The following SNX29 variants were observed in gnomAD, a reference collection of about 807,000 sequenced individuals.
SNX29 encodes the protein sorting nexin-29.
SNX29 carries 78 observed loss-of-function variants against 102.1 expected under a neutral mutation model. That is an observed-to-expected ratio of 0.76 (90% CI 0.64 to 0.92). The LOEUF (loss-of-function observed/expected upper bound fraction) is 0.92, where lower values mean the gene tolerates loss of function less well. Ranked by LOEUF, SNX29 falls within the 40% of genes least tolerant of loss-of-function variation. The pLI is 0.00. For missense variants in SNX29, 1,280 were observed against 1,061.7 expected, an observed-to-expected ratio of 1.21 and a Z score of -2.86; for synonymous variants, 580 against 414.5, an observed-to-expected ratio of 1.40 and a Z score of -4.85.
chr16:12,526,667 C>G (rs1333946017), intron 20 of SNX29: 1 of 511,060 alleles, frequency 2.0e-6, no homozygotes, highest in African/African-American at 1.9e-5. Flanking sequence ...GCGGAGTCAT[C>G]ACGCATCGAC....
intron 18 of SNX29, among the ~76,000 whole-genome samples, chr16:12,449,797 G>A (rs1018952416): frequency 6.6e-6 from 1 of 152,134 alleles, no homozygotes; most frequent in Non-Finnish European, 1.5e-5. Context: ...TCCCATTGCT[G>A]AAATCCCTGT....
At chr16:12,165,805 C>T (rs1019879749) in intron 13 of SNX29, among the ~76,000 whole-genome samples, 3 of 152,240 alleles carry the variant, frequency 2.0e-5, no homozygotes, top group African/African-American at 4.8e-5. Flanking sequence ...CTCAACTGAT[C>T]CACCTGCCTC....
intron 16 of SNX29, among the ~76,000 whole-genome samples, chr16:12,372,039 TACA>T (rs1444125941): frequency 3.9e-5 from 6 of 152,202 alleles, no homozygotes; most frequent in Admixed American, 3.9e-4. Flanking sequence ...CTATCTAGAG[TACA>T]AAAGACAAGT....
At chr16:12,365,358 G>GTGTGTGTGTGTGTGTGTGTGTGTGTA (rs1485263456) in intron 16 of SNX29, among the ~76,000 whole-genome samples, 6 of 150,358 alleles carry the variant, frequency 4.0e-5, no homozygotes, top group Admixed American at 6.6e-5. Flanking sequence ...GTGTGTGTGT[G>GTGTGTGTGTGTGTGTGTGTGTGTGTA]TGTGTGTTTA....
At chr16:12,397,809 G>A (rs980033132) in intron 16 of SNX29, among the ~76,000 whole-genome samples, 4 of 152,152 alleles carry the variant, frequency 2.6e-5, no homozygotes, top group Non-Finnish European at 4.4e-5. Flanking sequence ...TGGGGGTCAC[G>A]TGCACCTTTG....
chr16:12,188,613 A>G (rs1012964535), intron 13 of SNX29, among the ~76,000 whole-genome samples: 2 of 152,178 alleles, frequency 1.3e-5, no homozygotes, highest in African/African-American at 4.8e-5. Flanking sequence ...GGCTCTGGAT[A>G]TGCAATACAG....
rs2052780536 is a variant in SNX29, at chr16:12,096,675, CTT to C, written c.1402+17762_1402+17763del. On this transcript the variant is annotated intron_variant, in intron 11 of 20. Transcript: ENST00000566228. This position sits in a 1 kb window ranked among gnomAD's most constrained non-coding sequence, Gnocchi z 4.2. Reference sequence around the variant, plus strand: ...TGGGGTCATGTGGGAGTGATGTACTCTTTGTTATCTGTGGCACTGAACAACCG... The same window carrying C: ...TGGGGTCATGTGGGAGTGATGTACTCTGTTATCTGTGGCACTGAACAACCG... 6.6e-6 allele frequency among the ~76,000 whole-genome samples: 1 copy of C among 152,180 alleles called. No individual in the cohort carries two copies. Among genetic ancestry groups the C allele is most frequent in the African/African-American group, 2.4e-5 (1 of 41,438 alleles).
chr16:12,340,610 A>G (rs1353620228), intron 15 of SNX29, among the ~76,000 whole-genome samples: 2 of 152,172 alleles, frequency 1.3e-5, no homozygotes, highest in East Asian at 3.8e-4. Flanking sequence ...GGGCAGTGTG[A>G]GGTTATTATC....
chr16:12,404,006 G>A (rs2084065643), intron 18 of SNX29, among the ~76,000 whole-genome samples: 1 of 152,156 alleles, frequency 6.6e-6, no homozygotes, highest in South Asian at 2.1e-4. Flanking sequence ...GTGTGTCCTG[G>A]ATCTTGAGCC....
chr16:12,534,090 A>G (rs2077003615), intron 20 of SNX29, among the ~76,000 whole-genome samples: 1 of 152,144 alleles, frequency 6.6e-6, no homozygotes, highest in Admixed American at 6.5e-5. Flanking sequence ...ATCCCACTTG[A>G]CCCCAGGGGA....
chr16:12,462,701 C>T (rs1414085706), intron 18 of SNX29, among the ~76,000 whole-genome samples: 1 of 152,202 alleles, frequency 6.6e-6, no homozygotes. Flanking sequence ...CTATTCCTCA[C>T]TGCCTCCCCC....
chr16:12,072,521 C>G (rs1205613313), intron 10 of SNX29, among the ~76,000 whole-genome samples: 1 of 152,152 alleles, frequency 6.6e-6, no homozygotes, highest in African/African-American at 2.4e-5. Flanking sequence ...ATGAAGCCCA[C>G]TCGATCATGG....
chr16:12,147,484 C>T (rs111674479), intron 13 of SNX29, among the ~76,000 whole-genome samples: 3,786 of 152,132 alleles, frequency 0.025, 93 homozygotes, highest in African/African-American at 0.063. Context: ...GTAGAGGTGT[C>T]TAGAGAGAAA....
At chr16:12,053,531 C>T (rs1217438971) in intron 8 of SNX29, among the ~76,000 whole-genome samples, 2 of 151,736 alleles carry the variant, frequency 1.3e-5, no homozygotes, top group Non-Finnish European at 2.9e-5. Flanking sequence ...TCTGTCTCTA[C>T]AAAAAAATAA....
At chr16:12,474,489 G>A (rs918957586) in intron 18 of SNX29, among the ~76,000 whole-genome samples, 2 of 152,168 alleles carry the variant, frequency 1.3e-5, no homozygotes, top group Non-Finnish European at 2.9e-5. Context: ...GGCAGGAGAG[G>A]AGGTGCCCAT....
At chr16:12,266,572 T>C (rs996879564) in intron 14 of SNX29, among the ~76,000 whole-genome samples, 4 of 151,624 alleles carry the variant, frequency 2.6e-5, no homozygotes, top group African/African-American at 7.3e-5. Flanking sequence ...TGAAATAATA[T>C]ATATTTGCTA....
intron 18 of SNX29, among the ~76,000 whole-genome samples, chr16:12,419,025 G>A (rs1307157565): frequency 1.3e-5 from 2 of 152,188 alleles, no homozygotes; most frequent in East Asian, 3.9e-4. Context: ...CGGGGGTGCT[G>A]CTCAACATCC....
At chr16:12,356,094 A>C in intron 15 of SNX29, 69 bp from the exon 16 acceptor site, 1 of 1,446,450 alleles carries the variant, frequency 6.9e-7, no homozygotes, top group South Asian at 1.2e-5. Flanking sequence ...AGGAGAGTCC[A>C]GAGAAGGCGG....
At chr16:12,439,994 T>C (rs780783483) in intron 18 of SNX29, among the ~76,000 whole-genome samples, 6 of 152,328 alleles carry the variant, frequency 3.9e-5, no homozygotes, top group South Asian at 2.1e-4. Flanking sequence ...GCAGCCCAAC[T>C]CTGCCTCCTG....
Sources: allele counts gnomAD v4.1 joint callset (sites outside exome capture counted in the v4.1 genomes callset), GRCh38; gene constraint gnomAD v4.1.1; non-coding constraint Gnocchi (gnomAD v3.1); transcripts MANE v1.5; gene names NCBI Gene and HGNC (gene_info 2026-07-23, HGNC 2026-07-21).